Variants in CYTH3 observed in about 807,000 individuals in gnomAD.
CYTH3 encodes the protein cytohesin-3.
A neutral mutation model predicts 55.1 loss-of-function variants in CYTH3; 23 were observed. The observed-to-expected ratio is 0.42, with a 90% CI of 0.30 to 0.59. The LOEUF is 0.59. Ranked by LOEUF, CYTH3 falls within the 20% of genes least tolerant of loss-of-function variation. The pLI is 0.20. For missense variants in CYTH3, 413 were observed against 524.8 expected (o/e 0.79, Z 2.08); for synonymous variants, 249 against 194.9 (o/e 1.28, Z -2.31).
chr7:6,184,307 G>A lies in CYTH3; in HGVS notation c.249+2743C>T, dbSNP rs548552616. On this transcript the variant is annotated intron_variant, in intron 4 of 12. Coordinates refer to ENST00000350796, the MANE Select transcript of CYTH3 (RefSeq NM_004227.4). ...AATCTCCTGACCTCATGATCCACCC[G>A]CCTCAGCCTCCCAAAGTGCTGGGAT... 4.1e-3 allele frequency among the ~76,000 whole-genome samples: 624 copies of A among 151,732 alleles called. 4 individuals carry two copies. Among genetic ancestry groups the A allele is most frequent in the Non-Finnish European group, 6.9e-3 (468 of 67,904 alleles).
intron 9 of CYTH3, among the ~76,000 whole-genome samples, chr7:6,168,970 C>CA: frequency 6.6e-6 from 1 of 152,334 alleles, no homozygotes; most frequent in East Asian, 1.9e-4. Flanking sequence ...CATTCCCCCC[C>CA]ACCGGCCCTC....
chr7:6,167,199 T>C lies in CYTH3; in HGVS notation c.824-1389A>G, dbSNP rs1562873592. Among the ~76,000 whole-genome samples, 1 of 152,308 alleles carries C rather than the reference T, an allele frequency of 6.6e-6. No individual in the cohort carries two copies. Among genetic ancestry groups the C allele is most frequent in the East Asian group, 1.9e-4 (1 of 5,178 alleles). On this transcript the variant is annotated intron_variant, in intron 9 of 12. Coordinates refer to ENST00000350796, the MANE Select transcript of CYTH3 (RefSeq NM_004227.4). This position sits in a 1 kb window ranked among gnomAD's most constrained non-coding sequence, Gnocchi z 5.5. Reference sequence around the variant, plus strand: ...GTCTCACCGCGGGCTCCATGCTCTCTGCAAGCCCTTGGCCTTCACCTTCCC... The same window carrying C: ...GTCTCACCGCGGGCTCCATGCTCTCCGCAAGCCCTTGGCCTTCACCTTCCC...
chr7:6,210,789 A>C (rs938422310), intron 1 of CYTH3, among the ~76,000 whole-genome samples: 1 of 152,200 alleles, frequency 6.6e-6, no homozygotes, highest in Admixed American at 6.5e-5. Flanking sequence ...TTTCCTCCTC[A>C]GCATCTTTAA....
intron 9 of CYTH3, among the ~76,000 whole-genome samples, chr7:6,168,614 T>C (rs924379392): frequency 2.0e-5 from 3 of 152,210 alleles, no homozygotes; most frequent in Non-Finnish European, 2.9e-5. Context: ...CCACGCCAGC[T>C]GGACCAGCCC....
chr7:6,259,772 T>TATAATATATATATA (rs1491219669), intron 1 of CYTH3, among the ~76,000 whole-genome samples: 7 of 30,502 alleles, frequency 2.3e-4, no homozygotes, highest in East Asian at 1.3e-3. Context: ...TATATATATA[T>TATAATATATATATA]TATATATATA....
intron 1 of CYTH3, among the ~76,000 whole-genome samples, chr7:6,204,960 T>C (rs928506392): frequency 1.3e-5 from 2 of 150,540 alleles, no homozygotes; most frequent in African/African-American, 4.9e-5. Context: ...AGCCCAGGAG[T>C]TCAAGGCCAG....
intron 1 of CYTH3, among the ~76,000 whole-genome samples, chr7:6,232,478 TC>T (rs1209322542): frequency 6.6e-6 from 1 of 152,184 alleles, no homozygotes; most frequent in South Asian, 2.1e-4. Context: ...CCACTTGCCA[TC>T]ACAGAAGCAA....
At chr7:6,230,115 AC>A (rs1420975522) in intron 1 of CYTH3, among the ~76,000 whole-genome samples, 2 of 152,212 alleles carry the variant, frequency 1.3e-5, no homozygotes, top group African/African-American at 2.4e-5. Context: ...AGCCTGGGCG[AC>A]AGAGTGAGAC....
At chr7:6,247,482 T>G (rs1478879514) in intron 1 of CYTH3, among the ~76,000 whole-genome samples, 1 of 152,220 alleles carries the variant, frequency 6.6e-6, no homozygotes, top group East Asian at 1.9e-4. Context: ...TCTGTTCTAT[T>G]TGTTTTGGTA....
chr7:6,165,388 C>T lies in CYTH3; in HGVS notation c.1012G>A (p.Val338Ile). 1 of 1,614,166 alleles carries T rather than the reference C, an allele frequency of 6.2e-7. No homozygotes were observed. The highest frequency in any genetic ancestry group is 2.2e-5 in the East Asian group (1 of 44,878). ...GCCTCAGTCTTACAGGCCTTGATGA[C>T]CTGCCCTTTGTGGCTGGGATTGTAG... ...ELYNPSHKGQVIKACKTEADG... is the reference protein window; with the variant it reads ...ELYNPSHKGQIIKACKTEADG... The change falls in exon 12 of 13, where the codon GTC (valine) becomes ATC (isoleucine). Residue 338 changes from valine (V) to isoleucine (I), a missense_variant. This residue lies in a region of CYTH3 where 98 missense variants were observed against 115.2 expected (regional missense o/e 0.85). Coordinates refer to ENST00000350796, the MANE Select transcript of CYTH3 (RefSeq NM_004227.4).
intron 1 of CYTH3, among the ~76,000 whole-genome samples, chr7:6,228,480 T>C (rs139244333): frequency 6.6e-6 from 1 of 152,112 alleles, no homozygotes; most frequent in Non-Finnish European, 1.5e-5. Flanking sequence ...TCTCAAGTTG[T>C]GTGGGAGGGT....
intron 1 of CYTH3, among the ~76,000 whole-genome samples, chr7:6,262,469 G>C (rs143385187): frequency 2.6e-5 from 4 of 152,182 alleles, no homozygotes; most frequent in African/African-American, 9.6e-5. Context: ...CAGCCTAAAG[G>C]GAAGAAAAAA....
chr7:6,212,518 A>G (rs1784343048), intron 1 of CYTH3: 2 of 152,178 alleles, frequency 1.3e-5, no homozygotes, highest in South Asian at 4.1e-4. Context: ...ATCACACAGT[A>G]TGTGTCTTGT....
At chr7:6,200,461 T>C (rs1784033130) in intron 1 of CYTH3, among the ~76,000 whole-genome samples, 1 of 152,192 alleles carries the variant, frequency 6.6e-6, no homozygotes, top group Non-Finnish European at 1.5e-5. Context: ...AACAAAAATT[T>C]GGTCATTTAA....
intron 4 of CYTH3, among the ~76,000 whole-genome samples, chr7:6,185,433 A>C (rs1783611686): frequency 6.6e-6 from 1 of 152,114 alleles, no homozygotes; most frequent in Non-Finnish European, 1.5e-5. Flanking sequence ...CACTGGGCTC[A>C]CGCCTGTAAT....
chr7:6,231,993 C>A lies in CYTH3; in HGVS notation c.34+40481G>T, dbSNP rs1779400756. Among the ~76,000 whole-genome samples, 4 of 152,202 alleles carry A rather than the reference C, an allele frequency of 2.6e-5. No individual in the cohort carries two copies. In the South Asian group the frequency reaches 8.3e-4, roughly 32 times the overall value. On this transcript the variant is annotated intron_variant, in intron 1 of 12. Coordinates refer to ENST00000350796, the MANE Select transcript of CYTH3 (RefSeq NM_004227.4). ...TTTACCTGTTCTGCTTTCTTGCCCC[C>A]GTTTGCATCTGAGTTTTAAACTTGC...
In CYTH3 at chr7:6,170,573, A is replaced by G; in HGVS notation, c.785T>C (p.Phe262Ser). 6.2e-7 allele frequency: 1 copy of G among 1,613,944 alleles called. No homozygotes were observed. Among genetic ancestry groups the G allele is most frequent in the Non-Finnish European group, 8.5e-7 (1 of 1,179,890 alleles). ...EDDGNDLTHT[F>S]FNPDREGWLL... is the part of the protein sequence containing the mutation. ...CCAGCCCTCGCGGTCGGGGTTGAAG[A>G]AGGTGTGGGTCAGGTCGTTCCCGTC... Residue 262 changes from phenylalanine (F) to serine (S), a missense_variant, in exon 9 of 13, where the codon TTC (phenylalanine) becomes TCC (serine). By Grantham distance (155) the Phe-to-Ser change is radical. This residue lies in a region of CYTH3 where 156 missense variants were observed against 233.1 expected (regional missense o/e 0.67). Transcript: ENST00000350796. The surrounding 1 kb of genome is among the most constrained non-coding windows in gnomAD (Gnocchi z 7.8).
chr7:6,215,324 C>T (rs1357756753), intron 1 of CYTH3, among the ~76,000 whole-genome samples: 2 of 152,178 alleles, frequency 1.3e-5, no homozygotes, highest in Non-Finnish European at 2.9e-5. Context: ...GGTGCGGTGG[C>T]TCACGCCTGT....
intron 4 of CYTH3, among the ~76,000 whole-genome samples, chr7:6,179,703 CCACA>C (rs1296268135): frequency 1.9e-5 from 2 of 103,540 alleles, no homozygotes; most frequent in Admixed American, 9.4e-5. Context: ...CACACACACC[CCACA>C]CACACCCCAC....
Sources: allele counts gnomAD v4.1 joint callset (sites outside exome capture counted in the v4.1 genomes callset), GRCh38; gene constraint gnomAD v4.1.1; regional missense constraint gnomAD v4.1.1; non-coding constraint Gnocchi (gnomAD v3.1); transcripts MANE v1.5; gene names NCBI Gene and HGNC (gene_info 2026-07-23, HGNC 2026-07-21).